The following STK3 variants were observed in gnomAD, a reference collection of about 807,000 sequenced individuals.
STK3 encodes serine/threonine-protein kinase 3.
STK3 carries 41 observed loss-of-function variants against 58.0 expected under a neutral mutation model. The observed-to-expected ratio is 0.71, with a 90% CI of 0.55 to 0.92. The LOEUF (loss-of-function observed/expected upper bound fraction) is 0.92. Ranked by LOEUF, STK3 falls within the 40% of genes least tolerant of loss-of-function variation. The pLI is 0.00. For missense variants in STK3, 479 were observed against 602.7 expected, an observed-to-expected ratio of 0.79 and a Z score of 2.15; for synonymous variants, 170 against 191.0, an observed-to-expected ratio of 0.89 and a Z score of 0.91.
At chr8:98,425,325 TCAGA>T (rs959825378) in intron 3 of STK3, among the ~76,000 whole-genome samples, 64 of 72,278 alleles carry the variant, frequency 8.9e-4, no homozygotes, top group African/African-American at 3.4e-3. Flanking sequence ...TCTCTCCCTC[TCAGA>T]CACACACACA....
chr8:98,444,523 A>G (rs1196476418), intron 1 of STK3, among the ~76,000 whole-genome samples: 3 of 152,148 alleles, frequency 2.0e-5, no homozygotes, highest in Non-Finnish European at 4.4e-5. Context: ...AGGGTAGTGG[A>G]GGTAGAATAG....
At chr8:98,656,231 A>G (rs1359272061) in intron 6 of STK3, among the ~76,000 whole-genome samples, 1 of 152,136 alleles carries the variant, frequency 6.6e-6, no homozygotes, top group Non-Finnish European at 1.5e-5. Context: ...AAACTATCGC[A>G]AGGACAAAAA....
At chr8:98,739,067 T>C (rs1343707733) in intron 4 of STK3, among the ~76,000 whole-genome samples, 3 of 152,192 alleles carry the variant, frequency 2.0e-5, no homozygotes, top group African/African-American at 7.2e-5. Context: ...CCAAGCTTGC[T>C]TAGGTAAACA....
intron 1 of STK3, among the ~76,000 whole-genome samples, chr8:98,382,664 T>C (rs1314562824): frequency 2.0e-5 from 3 of 152,018 alleles, no homozygotes; most frequent in Non-Finnish European, 2.9e-5. Context: ...TCTAACCAGA[T>C]TCCCCATCTG....
chr8:98,486,422 G>A lies in STK3; in HGVS notation c.1318-30422C>T, dbSNP rs141539019. 6.1e-3 allele frequency among the ~76,000 whole-genome samples: 935 copies of A among 152,330 alleles called. 7 individuals are homozygous for A. The highest frequency in any genetic ancestry group is 0.01 in the Middle Eastern group (3 of 294). The stretch of plus-strand genomic sequence containing the variant: ...ATCCAACAGAAACACAGAGGATAAG[G>A]TGTGTGTAAAGCCACTAAAGACCGT... On this transcript the variant is annotated intron_variant, in intron 10 of 10. Transcript: ENST00000419617.
chr8:98,458,134 C>T (rs953356369), intron 10 of STK3, among the ~76,000 whole-genome samples: 21 of 147,182 alleles, frequency 1.4e-4, no homozygotes, highest in Admixed American at 1.0e-3. Flanking sequence ...CACACACACA[C>T]ATGTGCACAC....
intron 7 of STK3, among the ~76,000 whole-genome samples, chr8:98,589,280 T>G (rs1450273350): frequency 6.6e-6 from 1 of 152,232 alleles, no homozygotes; most frequent in Admixed American, 6.5e-5. Context: ...GTTTTTGGTG[T>G]GGATGTCCTT....
rs577389175 is a variant in STK3 at position 98,814,826 on chromosome 8, G to A, written c.26+10689C>T. ...CAGCCTCCTGGCTGTGACCACAGGTGTGCACCACCATGCCCAGCTAATTTT... is the reference window on the plus strand; with the variant it reads ...CAGCCTCCTGGCTGTGACCACAGGTATGCACCACCATGCCCAGCTAATTTT... On this transcript the variant is annotated intron_variant, in intron 1 of 10. Coordinates refer to ENST00000419617, the MANE Select transcript of STK3 (RefSeq NM_006281.4). Among the ~76,000 whole-genome samples the A allele has an allele frequency of 1.2e-4, 18 of 152,156 alleles. No individual in the cohort carries two copies. The East Asian group carries it at 3.5e-3, about 29-fold the overall frequency.
chr8:98,510,092 C>A (rs1003067536), intron 10 of STK3, among the ~76,000 whole-genome samples: 1 of 151,980 alleles, frequency 6.6e-6, no homozygotes. Flanking sequence ...CCGGGTTACA[C>A]ACAACTATAA....
At chr8:98,536,042 A>G (rs552095625) in intron 9 of STK3, among the ~76,000 whole-genome samples, 2 of 152,196 alleles carry the variant, frequency 1.3e-5, no homozygotes, top group East Asian at 3.9e-4. Flanking sequence ...AAAGAAAGGA[A>G]ATTACTAGGA....
At chr8:98,658,878 A>G (rs1280691610) in intron 6 of STK3, among the ~76,000 whole-genome samples, 1 of 152,122 alleles carries the variant, frequency 6.6e-6, no homozygotes, top group Non-Finnish European at 1.5e-5. Context: ...TGTTTATGTT[A>G]AAATATTATA....
intron 6 of STK3, among the ~76,000 whole-genome samples, chr8:98,671,250 T>C (rs1822809487): frequency 6.6e-6 from 1 of 152,112 alleles, no homozygotes; most frequent in African/African-American, 2.4e-5. Context: ...ACAGCCTTTG[T>C]AAATAGAAGG....
the STK3 span, among the ~76,000 whole-genome samples, chr8:98,350,983 G>T: frequency 6.6e-6 from 1 of 152,126 alleles, no homozygotes; most frequent in African/African-American, 2.4e-5. Flanking sequence ...AGAGTACGTG[G>T]CATGAAAAAG....
intron 6 of STK3, among the ~76,000 whole-genome samples, chr8:98,674,473 A>G (rs1823052371): frequency 6.6e-6 from 1 of 152,166 alleles, no homozygotes; most frequent in South Asian, 2.1e-4. Context: ...TAAAAAGACA[A>G]AATCATAGGG....
intron 1 of STK3, among the ~76,000 whole-genome samples, chr8:98,807,287 C>T (rs1019815286): frequency 6.6e-6 from 1 of 151,256 alleles, no homozygotes; most frequent in Non-Finnish European, 1.5e-5. Context: ...GACAGAGTCT[C>T]ATTCTGTTGC....
intron 1 of STK3, among the ~76,000 whole-genome samples, chr8:98,927,702 A>G (rs1295096065): frequency 6.6e-6 from 1 of 152,238 alleles, no homozygotes; most frequent in Non-Finnish European, 1.5e-5. Flanking sequence ...CTTGTCCCAG[A>G]GCTTGTGCTA....
chr8:98,502,973 G>A (rs1823739161), intron 10 of STK3, among the ~76,000 whole-genome samples: 1 of 152,182 alleles, frequency 6.6e-6, no homozygotes, highest in South Asian at 2.1e-4. Flanking sequence ...GTTTCAGAAG[G>A]AATGGTACCA....
At chr8:98,793,484 T>C (rs1587638475) in intron 1 of STK3, among the ~76,000 whole-genome samples, 2 of 152,208 alleles carry the variant, frequency 1.3e-5, no homozygotes, top group Admixed American at 1.3e-4. Context: ...GCCGAAATTG[T>C]ACCACTGCAC....
At chr8:98,923,856 C>T (rs2860322) in intron 1 of STK3, among the ~76,000 whole-genome samples, 8,984 of 62,940 alleles carry the variant, frequency 0.14, 300 homozygotes, top group African/African-American at 0.2. Flanking sequence ...TGTGTGTGTG[C>T]GCGCGCGCGC....
Sources: allele counts gnomAD v4.1 joint callset (sites outside exome capture counted in the v4.1 genomes callset), GRCh38; gene constraint gnomAD v4.1.1; transcripts MANE v1.5; gene names NCBI Gene and HGNC (gene_info 2026-07-23, HGNC 2026-07-21).